The following ANO5 variants were observed in gnomAD, a reference collection of about 807,000 sequenced individuals.
ANO5 encodes the protein anoctamin-5.
Under a neutral mutation model 121.0 loss-of-function variants are expected in ANO5, and 109 were observed. That is an observed-to-expected ratio of 0.90 (90% confidence interval 0.77 to 1.06). ANO5 has a LOEUF of 1.06. Ranked by LOEUF, ANO5 falls within the 50% of genes least tolerant of loss-of-function variation. The probability of loss-of-function intolerance (pLI) is 0.00; values close to 1 mark genes in which losing one functional copy is unlikely to be tolerated. For missense variants in ANO5, 1,064 were observed against 1,078.5 expected (o/e 0.99, Z 0.19); for synonymous variants, 406 against 359.9 (o/e 1.13, Z -1.45).
At position 22,263,034 on chromosome 11, in the gene ANO5, C is replaced by T. The variant is rs755231182; in HGVS notation, c.1889C>T (p.Ala630Val). ...GKQIFGNIKE[A>V]IYPLALNWWR... is the part of the protein sequence containing the mutation. ...CAGATTTTTGGAAACATTAAAGAAG[C>T]CATTTATCCGTATGTATGACTTACA... is the stretch of plus-strand genomic sequence containing the variant. Residue 630 changes from alanine to valine, a missense_variant, in exon 17 of 22, where the codon GCC becomes GTC. Transcript: ENST00000324559. 2 of 1,608,472 alleles carry T rather than the reference C, an allele frequency of 1.2e-6. No individual in the cohort carries two copies. Among genetic ancestry groups the T allele is most frequent in the Non-Finnish European group, 8.5e-7 (1 of 1,175,326 alleles).
chr11:22,254,847 G>T lies in ANO5; in HGVS notation c.1181-524G>T, dbSNP rs1853942094. Among the ~76,000 whole-genome samples, 3 of 152,160 alleles carry T rather than the reference G, an allele frequency of 2.0e-5. No homozygotes were observed. In the South Asian group the frequency reaches 6.2e-4, roughly 32 times the overall value. ...CCAGGAGTTCAAGACCAGCCTGGGTGACAGAAGGAGACTCAAATAAAGACA... is the reference window on the plus strand; with the variant it reads ...CCAGGAGTTCAAGACCAGCCTGGGTTACAGAAGGAGACTCAAATAAAGACA... On this transcript the variant is annotated intron_variant, in intron 12 of 21. Coordinates refer to ENST00000324559, the MANE Select transcript of ANO5 (RefSeq NM_213599.3).
At chr11:22,262,534 A>G (rs1854223930) in intron 16 of ANO5, among the ~76,000 whole-genome samples, 1 of 152,230 alleles carries the variant, frequency 6.6e-6, no homozygotes, top group Admixed American at 6.5e-5. Flanking sequence ...ATGAAATATA[A>G]AATGACATAA....
At chr11:22,255,802 A>T (rs1853983944) in intron 13 of ANO5, among the ~76,000 whole-genome samples, 1 of 152,116 alleles carries the variant, frequency 6.6e-6, no homozygotes, top group Non-Finnish European at 1.5e-5. Context: ...TAATTCATGG[A>T]CAATCTTGTT....
Position 22,280,794 on chromosome 11 carries a change from C to T in ANO5, c.*1029C>T, listed in dbSNP as rs1855048957. 6.6e-6 allele frequency: 1 copy of T among 151,908 alleles called. No homozygotes were observed. The highest frequency in any genetic ancestry group is 1.5e-5 in the Non-Finnish European group (1 of 67,862). 9.4% of individuals were successfully genotyped at this position (151,908 alleles called of 1,614,324 possible). On this transcript the variant is annotated 3_prime_UTR_variant, in exon 22 of 22. Transcript: ENST00000324559. ...TTGATGTATCATCTTATACAATGCT[C>T]AGTGCCTTGTTCCAATACCTCTGAC... is the stretch of plus-strand genomic sequence containing the variant.
chr11:22,259,740 G>A lies in ANO5; in HGVS notation c.1629G>A (p.Met543Ile). 1.2e-6 allele frequency: 2 copies of A among 1,606,974 alleles called. No individual in the cohort carries two copies. Among genetic ancestry groups the A allele is most frequent in the South Asian group, 1.1e-5 (1 of 90,894 alleles). ...AGATATCTGCCTGGATCACAAAAAT[G>A]GGTAAGCTGGCCAAATCATTTGTGT... is the stretch of plus-strand genomic sequence containing the variant. The part of the protein sequence containing the change: ...YEKISAWITK[M>I]EIPRTYQEYE... Residue 543 changes from methionine (M) to isoleucine (I), a missense_variant and splice_region_variant, in exon 15 of 22, where the codon ATG (methionine) becomes ATA (isoleucine). By Grantham distance (10) the Met-to-Ile change is conservative (BLOSUM62 1). Transcript: ENST00000324559.
At chr11:22,221,239 A>C in intron 5 of ANO5, 29 bp downstream of exon 5, 1 of 1,515,522 alleles carries the variant, frequency 6.6e-7, no homozygotes, top group Non-Finnish European at 9.2e-7. Flanking sequence ...AAGTGGGAAT[A>C]ATAAAAAGAA....
intron 15 of ANO5, 59 bp from the exon 16 acceptor site, chr11:22,262,070 T>G: frequency 6.5e-7 from 1 of 1,537,744 alleles, no homozygotes; most frequent in East Asian, 2.3e-5. Flanking sequence ...TCCTAGGGAG[T>G]ACGAAGTTCA....
At chr11:22,259,803 A>G (rs1337106043) in intron 15 of ANO5, 62 bp downstream of exon 15, 2 of 1,486,336 alleles carry the variant, frequency 1.3e-6, no homozygotes. Context: ...CTATATGTCT[A>G]TTTTGGATCA....
chr11:22,194,870 T>G (rs1406176509), intron 1 of ANO5, among the ~76,000 whole-genome samples: 6 of 152,224 alleles, frequency 3.9e-5, no homozygotes. Flanking sequence ...TTTCTTTTGC[T>G]TCTATGAATA....
chr11:22,193,233 A>C lies in ANO5; in HGVS notation c.-260A>C. ...GGGAAGCGCAGGGCCAAGCGCGCGA[A>C]GCAGGTTGTGGGGGACCGGGTCGAG... On this transcript the variant is annotated 5_prime_UTR_variant, in exon 1 of 22. Coordinates refer to ENST00000324559, the MANE Select transcript of ANO5 (RefSeq NM_213599.3). The C allele has an allele frequency of 7.4e-7, 1 of 1,353,106 alleles. No individual in the cohort carries two copies. The highest frequency in any genetic ancestry group is 9.6e-7 in the Non-Finnish European group (1 of 1,046,788). The allele number at this position is 1,353,106 out of a possible 1,614,324, so 83.8% of individuals were successfully genotyped here. A position where few individuals can be genotyped will look rare whatever the true frequency, so the allele number is the denominator to read the frequency against.
intron 19 of ANO5, 56 bp downstream of exon 19, chr11:22,273,045 G>A (rs1854685644): frequency 6.7e-7 from 1 of 1,498,924 alleles, no homozygotes; most frequent in Admixed American, 1.7e-5. Flanking sequence ...GGGGTGTGGG[G>A]AGATGTGAAT....
At chr11:22,241,345 C>T (rs1441673595) in intron 9 of ANO5, among the ~76,000 whole-genome samples, 5 of 88,926 alleles carry the variant, frequency 5.6e-5, no homozygotes, top group Admixed American at 5.3e-4. Context: ...AATAGTGCTG[C>T]AATGGACATA....
chr11:22,251,344 C>T (rs912670609), intron 12 of ANO5, among the ~76,000 whole-genome samples: 3 of 152,114 alleles, frequency 2.0e-5, no homozygotes, highest in East Asian at 1.9e-4. Context: ...TATTTTGTGG[C>T]TGGAGGATAT....
chr11:22,218,814 C>T (rs1476759761), intron 4 of ANO5, among the ~76,000 whole-genome samples: 3 of 151,988 alleles, frequency 2.0e-5, no homozygotes, highest in South Asian at 2.1e-4. Context: ...CATCTCTCCT[C>T]GGACTCTCAA....
rs1470293423 is a variant in ANO5 at position 22,193,418 on chromosome 11, A to C, written c.-75A>C. ...CACAGTCAGATTCAGCACCTGCCTCAGATCTCCACGTCTGTCTCAGCTGCC... is the reference window on the plus strand; with the variant it reads ...CACAGTCAGATTCAGCACCTGCCTCCGATCTCCACGTCTGTCTCAGCTGCC... On this transcript the variant is annotated 5_prime_UTR_variant, in exon 1 of 22. Transcript: ENST00000324559. 1.3e-6 allele frequency: 2 copies of C among 1,564,002 alleles called. No individual in the cohort carries two copies. The highest frequency in any genetic ancestry group is 4.7e-5 in the East Asian group (2 of 42,290).
intron 17 of ANO5, among the ~76,000 whole-genome samples, chr11:22,269,881 ATT>A (rs1462150922): frequency 2.6e-5 from 4 of 152,178 alleles, no homozygotes; most frequent in Non-Finnish European, 5.9e-5. Flanking sequence ...GTTGGTTAAA[ATT>A]TTGTTTAATG....
chr11:22,262,366 C>G (rs904007976), intron 16 of ANO5, 68 bp downstream of exon 16: 4 of 1,530,548 alleles, frequency 2.6e-6, no homozygotes, highest in Middle Eastern at 1.8e-4. Context: ...TTCTGTGTGT[C>G]AAGCACTGAT....
At chr11:22,239,826 A>G (rs1853366468) in intron 9 of ANO5, 142 bp downstream of exon 9, 1 of 681,260 alleles carries the variant, frequency 1.5e-6, no homozygotes, top group Admixed American at 2.2e-5. Flanking sequence ...ATAAATTAGC[A>G]ATTCATTTAG....
At chr11:22,206,329 T>A (rs955910100) in intron 2 of ANO5, among the ~76,000 whole-genome samples, 1 of 69,224 alleles carries the variant, frequency 1.4e-5, no homozygotes, top group Non-Finnish European at 3.8e-5. Flanking sequence ...TGTGTGCGTG[T>A]GGAAAGGGAC....
Sources: allele counts gnomAD v4.1 joint callset (sites outside exome capture counted in the v4.1 genomes callset), GRCh38; gene constraint gnomAD v4.1.1; transcripts MANE v1.5; gene names NCBI Gene and HGNC (gene_info 2026-07-23, HGNC 2026-07-21).